The following BMPR1B variants were observed in gnomAD, a reference collection of about 807,000 sequenced individuals.
BMPR1B encodes the protein bone morphogenetic protein receptor type 1B, also known as bone morphogenetic protein receptor type-1B.
BMPR1B carries 12 observed loss-of-function variants against 59.1 expected under a neutral mutation model. That is an observed-to-expected ratio of 0.20 (90% CI 0.13 to 0.33). The LOEUF is 0.33. Among genes scored for constraint, BMPR1B ranks in the 10% least tolerant of loss-of-function variants. BMPR1B has a pLI of 1.00. For synonymous variants in BMPR1B, 237 were observed against 207.3 expected, an observed-to-expected ratio of 1.14 and a Z score of -1.23; for missense variants, 550 against 610.9, an observed-to-expected ratio of 0.90 and a Z score of 1.05.
At chr4:94,937,245 G>A (rs939634676) in intron 2 of BMPR1B, among the ~76,000 whole-genome samples, 7 of 151,998 alleles carry the variant, frequency 4.6e-5, no homozygotes, top group South Asian at 2.1e-4. Context: ...TATCCTTCAC[G>A]ATTCTATTTA....
rs901257247 is a variant in BMPR1B, at chr4:95,027,668, A to G, written c.-18+31534A>G. On this transcript the variant is annotated intron_variant, in intron 3 of 12. Transcript: ENST00000515059. ...TTTGACTGGGAAAATATGAGTCAAA[A>G]TAAACTATCTTAAATATAATAGAAC... Among the ~76,000 whole-genome samples the G allele has an allele frequency of 4.6e-5, 7 of 152,306 alleles. 1 individual carries two copies. Among genetic ancestry groups the G allele is most frequent in the Admixed American group, 4.6e-4 (7 of 15,288 alleles).
Position 94,961,720 on chromosome 4 carries a change from A to G in BMPR1B, c.-112-34320A>G, listed in dbSNP as rs188364177. Among the ~76,000 whole-genome samples, 73 of 152,232 alleles carry G rather than the reference A, an allele frequency of 4.8e-4. 1 individual carries two copies. The highest frequency in any genetic ancestry group is 1.3e-3 in the African/African-American group (55 of 41,566). On this transcript the variant is annotated intron_variant, in intron 2 of 12. Transcript: ENST00000515059. ...TTTTGCTTGCCATTTATGATTCTCT[A>G]TGTTCTTTCCATACTCAAGTGTGCT...
intron 2 of BMPR1B, among the ~76,000 whole-genome samples, chr4:94,985,417 G>T (rs1326010391): frequency 6.6e-6 from 1 of 152,066 alleles, no homozygotes; most frequent in Non-Finnish European, 1.5e-5. Flanking sequence ...TTGGAAATAG[G>T]GGAGAGCAGA....
At chr4:95,052,201 C>G (rs1397068343) in intron 3 of BMPR1B, among the ~76,000 whole-genome samples, 1 of 152,096 alleles carries the variant, frequency 6.6e-6, no homozygotes, top group Admixed American at 6.6e-5. Context: ...TATATGGATG[C>G]ATTGAGTAAA....
At chr4:95,041,995 C>T (rs988786937) in intron 3 of BMPR1B, among the ~76,000 whole-genome samples, 1 of 152,002 alleles carries the variant, frequency 6.6e-6, no homozygotes, top group African/African-American at 2.4e-5. Context: ...TAGCTGGGAC[C>T]ATAGGCGCCA....
intron 6 of BMPR1B, among the ~76,000 whole-genome samples, chr4:95,118,753 C>T (rs1023308426): frequency 2.0e-4 from 30 of 152,056 alleles, no homozygotes; most frequent in African/African-American, 5.6e-4. Flanking sequence ...GTTAGTGCTC[C>T]GAGCACAGGT....
At chr4:94,840,237 G>A (rs1287873105) in intron 1 of BMPR1B, among the ~76,000 whole-genome samples, 2 of 147,506 alleles carry the variant, frequency 1.4e-5, no homozygotes, top group East Asian at 3.9e-4. Flanking sequence ...ACAATTATGT[G>A]TCTTGGAGTT....
intron 3 of BMPR1B, among the ~76,000 whole-genome samples, chr4:95,023,983 T>G (rs1724176421): frequency 6.6e-6 from 1 of 152,178 alleles, no homozygotes; most frequent in Non-Finnish European, 1.5e-5. Flanking sequence ...TACTCAGAAC[T>G]GCAGTAGAGC....
chr4:95,146,533 A>G (rs1734658717), intron 10 of BMPR1B, among the ~76,000 whole-genome samples: 2 of 152,188 alleles, frequency 1.3e-5, no homozygotes, highest in African/African-American at 4.8e-5. Context: ...AATCTTTATC[A>G]ACTGTGGTCA....
chr4:95,146,804 TAGG>T (rs1251907889), intron 10 of BMPR1B, among the ~76,000 whole-genome samples: 3 of 152,112 alleles, frequency 2.0e-5, no homozygotes, highest in African/African-American at 2.4e-5. Flanking sequence ...GCAGGTGGAG[TAGG>T]AGGAGAGCGT....
chr4:94,923,690 A>G (rs1435979202), intron 2 of BMPR1B, among the ~76,000 whole-genome samples: 1 of 152,136 alleles, frequency 6.6e-6, no homozygotes. Flanking sequence ...TTTTTGTAGA[A>G]TAGATAAAAT....
chr4:95,125,520 G>A (rs1398737668), intron 8 of BMPR1B, among the ~76,000 whole-genome samples: 1 of 152,094 alleles, frequency 6.6e-6, no homozygotes, highest in African/African-American at 2.4e-5. Flanking sequence ...CAGCTGTGGG[G>A]TTTATGTTTC....
chr4:95,129,479 AT>A (rs1172388570), intron 8 of BMPR1B, among the ~76,000 whole-genome samples: 4 of 151,554 alleles, frequency 2.6e-5, no homozygotes, highest in Non-Finnish European at 4.4e-5. Flanking sequence ...GTTTTGTTAT[AT>A]TTATACATGA....
At chr4:94,839,719 G>T (rs1222436518) in intron 1 of BMPR1B, among the ~76,000 whole-genome samples, 1 of 136,958 alleles carries the variant, frequency 7.3e-6, no homozygotes, top group East Asian at 2.0e-4. Context: ...TATCCAATTT[G>T]CCAGTCTATG....
intron 3 of BMPR1B, among the ~76,000 whole-genome samples, chr4:95,040,715 T>C (rs1725590959): frequency 6.6e-6 from 1 of 152,182 alleles, no homozygotes; most frequent in African/African-American, 2.4e-5. Flanking sequence ...ACAATGTCAG[T>C]GTGTATCTGT....
chr4:94,867,129 C>A (rs1726278624), intron 1 of BMPR1B, among the ~76,000 whole-genome samples: 1 of 152,112 alleles, frequency 6.6e-6, no homozygotes, highest in African/African-American at 2.4e-5. Context: ...GCGTCTTAAA[C>A]TTTTGTGTTC....
chr4:94,918,098 C>T (rs1578800773), intron 2 of BMPR1B, among the ~76,000 whole-genome samples: 1 of 152,234 alleles, frequency 6.6e-6, no homozygotes, highest in Middle Eastern at 3.4e-3. Context: ...GGGTCTTGTA[C>T]AGCTGGCAGA....
At chr4:95,103,737 A>C (rs900779162) in intron 3 of BMPR1B, among the ~76,000 whole-genome samples, 17 of 152,118 alleles carry the variant, frequency 1.1e-4, no homozygotes, top group Admixed American at 7.9e-4. Flanking sequence ...GGTGCCTTCT[A>C]TCAAAGATGG....
chr4:95,046,352 G>A (rs1726061196), intron 3 of BMPR1B, among the ~76,000 whole-genome samples: 1 of 152,144 alleles, frequency 6.6e-6, no homozygotes, highest in Admixed American at 6.5e-5. Flanking sequence ...TATTGGCAAA[G>A]CTTTTCATGT....
Sources: gnomAD v4.1 joint callset for allele counts (sites outside exome capture counted in the v4.1 genomes callset) on GRCh38, gnomAD v4.1.1 for gene constraint, MANE v1.5 for transcripts, NCBI Gene and HGNC (gene_info 2026-07-23, HGNC 2026-07-21) for gene names.